Variants in CCDC178 observed in about 807,000 individuals in gnomAD.
CCDC178 encodes the protein coiled-coil domain containing 178.
In CCDC178, 126 loss-of-function variants were observed where a neutral mutation model predicts 117.4. The ratio of observed to expected loss-of-function variants is 1.07; its 90% CI spans 0.93 to 1.24. The LOEUF (loss-of-function observed/expected upper bound fraction) is 1.24, where lower values mean the gene tolerates loss of function less well. CCDC178 is among the 50% of genes most tolerant of loss of function. The pLI is 0.00. For synonymous variants in CCDC178, 283 were observed against 313.4 expected (o/e 0.90, Z 1.02); for missense variants, 1,030 against 986.9 (o/e 1.04, Z -0.59).
intron 2 of CCDC178, among the ~76,000 whole-genome samples, chr18:33,423,279 G>T (rs761142853): frequency 2.6e-5 from 4 of 152,206 alleles, no homozygotes; most frequent in Non-Finnish European, 4.4e-5. Flanking sequence ...AATGATTTCA[G>T]TATATTTTTA....
intron 20 of CCDC178, among the ~76,000 whole-genome samples, chr18:33,140,469 G>A (rs2058188232): frequency 6.6e-6 from 1 of 152,188 alleles, no homozygotes; most frequent in Non-Finnish European, 1.5e-5. Context: ...CCCACCTCTT[G>A]CATCAGTGTG....
chr18:32,990,925 A>G (rs534916058), intron 21 of CCDC178, among the ~76,000 whole-genome samples: 48 of 151,930 alleles, frequency 3.2e-4, no homozygotes, highest in African/African-American at 1.1e-3. Flanking sequence ...CTTACAAGTA[A>G]TTAGGAAAAT....
chr18:33,393,104 A>C (rs2063583757), intron 4 of CCDC178, among the ~76,000 whole-genome samples: 1 of 152,164 alleles, frequency 6.6e-6, no homozygotes, highest in African/African-American at 2.4e-5. Context: ...AGTAGACACC[A>C]CAACTCCAAG....
chr18:33,176,441 C>T (rs1206096535), intron 20 of CCDC178, among the ~76,000 whole-genome samples: 2 of 152,060 alleles, frequency 1.3e-5, no homozygotes, highest in Non-Finnish European at 2.9e-5. Context: ...TTGCTGGGCC[C>T]ATCAAGAGAT....
intron 3 of CCDC178, among the ~76,000 whole-genome samples, chr18:33,397,691 A>G (rs1315923408): frequency 2.6e-5 from 4 of 152,192 alleles, no homozygotes; most frequent in African/African-American, 9.7e-5. Context: ...CTGCATCTCT[A>G]GAAAATCCTC....
intron 20 of CCDC178, among the ~76,000 whole-genome samples, chr18:33,191,811 C>G (rs2058861573): frequency 6.6e-6 from 1 of 151,730 alleles, no homozygotes; most frequent in South Asian, 2.1e-4. Context: ...ATTCCATGGT[C>G]AGGACAAAAA....
chr18:33,187,086 GGAGAGAGAGAGA>G (rs58400297), intron 20 of CCDC178, among the ~76,000 whole-genome samples: 43 of 140,040 alleles, frequency 3.1e-4, no homozygotes, highest in Non-Finnish European at 4.5e-5. Context: ...CATGGCGGCA[GGAGAGAGAGAGA>G]GAGAGAGAGA....
At chr18:33,318,608 T>C (rs1391935650) in intron 11 of CCDC178, among the ~76,000 whole-genome samples, 1 of 152,116 alleles carries the variant, frequency 6.6e-6, no homozygotes, top group East Asian at 1.9e-4. Context: ...AAGGAAATTG[T>C]TTGAAAAGAT....
rs2063729392 is a variant in CCDC178 at position 33,402,983 on chromosome 18, T to C, written c.59-5775A>G. Among the ~76,000 whole-genome samples the C allele has an allele frequency of 2.0e-5, 3 of 152,370 alleles. No individual in the cohort carries two copies. The South Asian group carries it at 6.2e-4, about 32-fold the overall frequency. On this transcript the variant is annotated intron_variant, in intron 3 of 22. Transcript: ENST00000383096. ...TAAATTTTTCTGCAGGTTACTGTGA[T>C]GCACAATTCTAGTTGAGAACTAGTG...
At chr18:33,185,746 C>A (rs2058784627) in intron 20 of CCDC178, among the ~76,000 whole-genome samples, 1 of 151,880 alleles carries the variant, frequency 6.6e-6, no homozygotes, top group Non-Finnish European at 1.5e-5. Flanking sequence ...ATCTTGAATA[C>A]CCTTAACAAG....
At chr18:33,193,420 T>C (rs751553142) in intron 20 of CCDC178, among the ~76,000 whole-genome samples, 10 of 151,920 alleles carry the variant, frequency 6.6e-5, no homozygotes, top group Non-Finnish European at 1.3e-4. Flanking sequence ...AATAACTGAG[T>C]CGTGCATACC....
At position 33,438,202 on chromosome 18, in the gene CCDC178, G is replaced by A. The variant is rs555102757; in HGVS notation, c.-23+1760C>T. Among the ~76,000 whole-genome samples, 8 of 152,110 alleles carry A rather than the reference G, an allele frequency of 5.3e-5. No homozygotes were observed. The South Asian group carries it at 1.7e-3, about 32-fold the overall frequency. On this transcript the variant is annotated intron_variant, in intron 2 of 22. Coordinates refer to ENST00000383096, the MANE Select transcript of CCDC178 (RefSeq NM_001105528.4). ...TAATTATTGCCCCTGGTTCCAACTCGAGACCAAGCAGAGAAAGCCAGATAA... is the reference window on the plus strand; with the variant it reads ...TAATTATTGCCCCTGGTTCCAACTCAAGACCAAGCAGAGAAAGCCAGATAA...
rs780258213 is a variant in CCDC178 at position 33,370,137 on chromosome 18, G to C, written c.261C>G (p.Ala87=). The C allele has an allele frequency of 6.2e-7, 1 of 1,604,296 alleles. No homozygotes were observed. Among genetic ancestry groups the C allele is most frequent in the Non-Finnish European group, 8.5e-7 (1 of 1,175,392 alleles). ...FSYPCRRHSC[A]VVNIPAPCVN... Reference sequence around the variant, plus strand: ...CACAAGGTGCTGGAATATTTACTACGGCACAGCTGTGACGTCGACATGGGT... The same window carrying C: ...CACAAGGTGCTGGAATATTTACTACCGCACAGCTGTGACGTCGACATGGGT... The change falls in exon 6 of 23, where the codon GCC becomes GCG. Residue 87 remains alanine (A), a synonymous_variant. Transcript: ENST00000383096.
chr18:33,401,700 G>A (rs1356272848), intron 3 of CCDC178, among the ~76,000 whole-genome samples: 1 of 151,920 alleles, frequency 6.6e-6, no homozygotes, highest in East Asian at 1.9e-4. Context: ...TATTAAAAAT[G>A]ATACTTTTAT....
At chr18:32,960,550 G>C (rs1213879333) in intron 22 of CCDC178, among the ~76,000 whole-genome samples, 1 of 152,090 alleles carries the variant, frequency 6.6e-6, no homozygotes, top group Non-Finnish European at 1.5e-5. Context: ...ATACGTCTAG[G>C]TGCTAGTCTA....
At chr18:33,039,663 C>T (rs949088314) in intron 21 of CCDC178, among the ~76,000 whole-genome samples, 2 of 151,776 alleles carry the variant, frequency 1.3e-5, no homozygotes, top group African/African-American at 2.4e-5. Flanking sequence ...ACTTGAATAG[C>T]AATTATGAAA....
intron 20 of CCDC178, among the ~76,000 whole-genome samples, chr18:33,095,680 A>G (rs2057530944): frequency 1.3e-5 from 2 of 152,104 alleles, no homozygotes; most frequent in South Asian, 4.1e-4. Context: ...TTTATTTTTC[A>G]ACTTCTATGA....
chr18:33,438,025 A>C (rs2064315644), intron 2 of CCDC178, among the ~76,000 whole-genome samples: 1 of 152,178 alleles, frequency 6.6e-6, no homozygotes, highest in Non-Finnish European at 1.5e-5. Flanking sequence ...ATGAACATTG[A>C]CTGAAAATAT....
chr18:32,978,764 C>T (rs2055080262), intron 21 of CCDC178, among the ~76,000 whole-genome samples: 1 of 152,278 alleles, frequency 6.6e-6, no homozygotes, highest in African/African-American at 2.4e-5. Context: ...AGGCCGGGCA[C>T]GGTGGCTAAC....
Sources: gnomAD v4.1 joint callset for allele counts (sites outside exome capture counted in the v4.1 genomes callset) on GRCh38, gnomAD v4.1.1 for gene constraint, MANE v1.5 for transcripts, NCBI Gene and HGNC (gene_info 2026-07-23, HGNC 2026-07-21) for gene names.